Variants in SNPH observed in about 807,000 individuals in gnomAD.
SNPH encodes the protein syntaphilin.
In SNPH, 10 loss-of-function variants were observed where a neutral mutation model predicts 36.8. That is an observed-to-expected ratio of 0.27 (90% confidence interval 0.17 to 0.46). The LOEUF (loss-of-function observed/expected upper bound fraction) is 0.46. SNPH is among the 20% of genes least tolerant of loss of function. SNPH has a pLI of 1.00. For missense variants in SNPH, 622 were observed against 744.0 expected (o/e 0.84, Z 1.91); for synonymous variants, 281 against 312.2 (o/e 0.90, Z 1.05).
intron 2 of SNPH, among the ~76,000 whole-genome samples, chr20:1,286,021 C>T (rs750253748): frequency 3.7e-5 from 5 of 136,622 alleles, no homozygotes; most frequent in Admixed American, 8.2e-5. Context: ...ACCCTGGAGG[C>T]GGAGGTTGCA....
intron 4 of SNPH, 25 bp from the exon 5 acceptor site, chr20:1,297,120 A>G: frequency 6.2e-7 from 1 of 1,601,134 alleles, no homozygotes; most frequent in Non-Finnish European, 8.5e-7. Flanking sequence ...CAGAACGAGC[A>G]CCTGCCTCTT....
At chr20:1,298,513 G>A (rs1321272893) in intron 5 of SNPH, among the ~76,000 whole-genome samples, 1 of 152,228 alleles carries the variant, frequency 6.6e-6, no homozygotes, top group Non-Finnish European at 1.5e-5. Context: ...CAGAGACTGG[G>A]GGACATAGGA....
chr20:1,269,220 A>G (rs2088043786), intron 2 of SNPH, among the ~76,000 whole-genome samples: 1 of 152,184 alleles, frequency 6.6e-6, no homozygotes, highest in South Asian at 2.1e-4. Flanking sequence ...CTGTGTGCCC[A>G]TCTATATAAT....
rs1444487885 is a variant in SNPH at position 1,290,188 on chromosome 20, G to C, written c.-492-4763G>C. ...GATCGTGCCACTGCACTCTAGCCTG[G>C]GCGACACAGTGAGACTCTGTCTCAA... On this transcript the variant is annotated intron_variant, in intron 2 of 6. Coordinates refer to ENST00000381867, the MANE Select transcript of SNPH (RefSeq NM_001318234.2). Among the ~76,000 whole-genome samples, 3 of 148,102 alleles carry C rather than the reference G, an allele frequency of 2.0e-5. No individual in the cohort carries two copies. The Admixed American group carries it at 2.0e-4, about 10-fold the overall frequency.
intron 2 of SNPH, among the ~76,000 whole-genome samples, chr20:1,286,284 C>CAACA (rs2088283495): frequency 6.6e-6 from 1 of 152,046 alleles, no homozygotes; most frequent in South Asian, 2.1e-4. Flanking sequence ...AAGTGTGAGC[C>CAACA]ACACTGGGCA....
In SNPH at chr20:1,305,147, A is replaced by T. The variant is rs1473474726; in HGVS notation, c.710A>T (p.Lys237Met). The T allele has an allele frequency of 6.2e-7, 1 of 1,613,444 alleles. No homozygotes were observed. Among genetic ancestry groups the T allele is most frequent in the Admixed American group, 1.7e-5 (1 of 59,976 alleles). ...GAGGTGGCCCAGAATGGCATGGCCA[A>T]GGAGGATGGCACTGGGGAGTCAGCC... The part of the protein sequence containing the change: ...SMEVAQNGMA[K>M]EDGTGESAGG... The change falls in exon 7 of 7, where the codon AAG becomes ATG. Residue 237 changes from lysine to methionine, a missense_variant. By Grantham distance (95) the Lys-to-Met change is moderately conservative (BLOSUM62 -1). Transcript: ENST00000381867.
intron 6 of SNPH, among the ~76,000 whole-genome samples, chr20:1,302,683 A>G (rs966217912): frequency 5.3e-5 from 8 of 152,296 alleles, no homozygotes; most frequent in African/African-American, 1.9e-4. Flanking sequence ...TTCTGTCTCT[A>G]TGGATTTGTC....
At chr20:1,279,361 T>A (rs2088188449) in intron 2 of SNPH, among the ~76,000 whole-genome samples, 1 of 152,252 alleles carries the variant, frequency 6.6e-6, no homozygotes, top group Non-Finnish European at 1.5e-5. Flanking sequence ...CCACATATCC[T>A]CTTTGGTGAG....
At chr20:1,270,115 G>A (rs1008230610) in intron 2 of SNPH, among the ~76,000 whole-genome samples, 2 of 152,196 alleles carry the variant, frequency 1.3e-5, no homozygotes, top group African/African-American at 2.4e-5. Context: ...TACTGGCTCC[G>A]AAAGGCCTAC....
At position 1,285,666 on chromosome 20, in the gene SNPH, G is replaced by A. The variant is rs143793255; in HGVS notation, c.-492-9285G>A. On this transcript the variant is annotated intron_variant, in intron 2 of 6. Coordinates refer to ENST00000381867, the MANE Select transcript of SNPH (RefSeq NM_001318234.2). This position sits in a 1 kb window ranked among gnomAD's most constrained non-coding sequence, Gnocchi z 4.9. ...ATTCCCACTGTCATAAAGATGGTGG[G>A]TGGTGGAGTTTGGAATTCAGAGTTC... is the stretch of plus-strand genomic sequence containing the variant. Among the ~76,000 whole-genome samples the A allele has an allele frequency of 1.2e-4, 19 of 152,308 alleles. No homozygotes were observed. The highest frequency in any genetic ancestry group is 2.1e-4 in the Non-Finnish European group (14 of 68,034).
At chr20:1,279,585 T>C (rs1167308084) in intron 2 of SNPH, among the ~76,000 whole-genome samples, 1 of 151,232 alleles carries the variant, frequency 6.6e-6, no homozygotes, top group Admixed American at 6.6e-5. Flanking sequence ...GAGACACTGA[T>C]AGAAAGACTG....
At position 1,306,039 on chromosome 20, in the gene SNPH, C is replaced by G. The variant is rs771494191; in HGVS notation, c.1602C>G (p.Gly534=). 1 of 1,472,482 alleles carries G rather than the reference C, an allele frequency of 6.8e-7. No individual in the cohort carries two copies. The highest frequency in any genetic ancestry group is 9.0e-7 in the Non-Finnish European group (1 of 1,112,878). The allele number at this position is 1,472,482 out of a possible 1,614,324, so 91.2% of individuals were successfully genotyped here. ...AGCCGAGTCCCAGCCCAGCGGGCGG[C>G]GGCTCCCAGCTCTGAGGGGGCCCAT... The part of the protein sequence containing the change: ...LSQPSPSPAG[G]GSQL The change falls in exon 7 of 7, where the codon GGC becomes GGG. Residue 534 remains glycine (G), a synonymous_variant. Transcript: ENST00000381867.
At chr20:1,275,160 G>A (rs2088116996) in intron 2 of SNPH, among the ~76,000 whole-genome samples, 1 of 152,192 alleles carries the variant, frequency 6.6e-6, no homozygotes. Flanking sequence ...CTTCCTCAGA[G>A]CCAGGCCTGG....
At chr20:1,277,219 G>C (rs2088142539) in intron 2 of SNPH, among the ~76,000 whole-genome samples, 1 of 152,192 alleles carries the variant, frequency 6.6e-6, no homozygotes, top group African/African-American at 2.4e-5. Context: ...CCCGTACCCA[G>C]CACAAACCAG....
At chr20:1,295,021 T>G (rs1459755686) in intron 3 of SNPH, 43 bp downstream of exon 3, 1 of 152,640 alleles carries the variant, frequency 6.6e-6, no homozygotes, top group Non-Finnish European at 1.5e-5. Context: ...GGCGTGGGGC[T>G]CGGTGAATGC....
At chr20:1,301,274 G>C (rs1170248689) in intron 6 of SNPH, among the ~76,000 whole-genome samples, 2 of 152,040 alleles carry the variant, frequency 1.3e-5, no homozygotes, top group African/African-American at 2.4e-5. Flanking sequence ...CCCGCAGGCC[G>C]TCTGAGCTCA....
chr20:1,278,056 G>C (rs4813074), intron 2 of SNPH, among the ~76,000 whole-genome samples: 25 of 40,178 alleles, frequency 6.2e-4, no homozygotes, highest in African/African-American at 3.1e-3. Flanking sequence ...CTGTGTGTGT[G>C]TGTCTGTGTG....
At chr20:1,283,256 G>A (rs150773143) in intron 2 of SNPH, among the ~76,000 whole-genome samples, 329 of 152,278 alleles carry the variant, frequency 2.2e-3, no homozygotes, top group African/African-American at 7.6e-3. Flanking sequence ...ACATCCCAGT[G>A]CCCTGGATTC....
chr20:1,290,840 A>G (rs1397923739), intron 2 of SNPH, among the ~76,000 whole-genome samples: 1 of 152,232 alleles, frequency 6.6e-6, no homozygotes, highest in Admixed American at 6.5e-5. Context: ...ACTTCTCCAC[A>G]TCCTTGACAA....
Sources: allele counts gnomAD v4.1 joint callset (sites outside exome capture counted in the v4.1 genomes callset), GRCh38; gene constraint gnomAD v4.1.1; non-coding constraint Gnocchi (gnomAD v3.1); transcripts MANE v1.5; gene names NCBI Gene and HGNC (gene_info 2026-07-23, HGNC 2026-07-21).